Variants in TULP4 observed in about 807,000 individuals in gnomAD.
TULP4 encodes the protein tubby-related protein 4.
A neutral mutation model predicts 129.0 loss-of-function variants in TULP4; 16 were observed. The ratio of observed to expected loss-of-function variants is 0.12; its 90% CI spans 0.08 to 0.19. The LOEUF is 0.19. Among genes scored for constraint, TULP4 ranks in the 10% least tolerant of loss-of-function variants. The probability of loss-of-function intolerance (pLI) is 1.00; values close to 1 mark genes in which losing one functional copy is unlikely to be tolerated. For missense variants in TULP4, 1,842 were observed against 2,059.1 expected, an observed-to-expected ratio of 0.89 and a Z score of 2.04; for synonymous variants, 998 against 854.0, an observed-to-expected ratio of 1.17 and a Z score of -2.94.
At chr6:158,276,055 C>T (rs547392794) in intron 1 of TULP4, among the ~76,000 whole-genome samples, 106 of 152,068 alleles carry the variant, frequency 7.0e-4, no homozygotes, top group Non-Finnish European at 1.2e-3. Context: ...CTGCAACCTC[C>T]GCTGCAAGAG....
intron 1 of TULP4, among the ~76,000 whole-genome samples, chr6:158,396,013 G>C (rs1351742505): frequency 6.6e-6 from 1 of 152,140 alleles, no homozygotes; most frequent in African/African-American, 2.4e-5. Context: ...AGATTGCCTG[G>C]CTCCACCATT....
intron 1 of TULP4, among the ~76,000 whole-genome samples, chr6:158,363,786 C>CTA: frequency 2.0e-5 from 3 of 151,868 alleles, no homozygotes; most frequent in South Asian, 4.2e-4. Context: ...CGCAAGGCCG[C>CTA]GTGTTTTTTT....
At chr6:158,438,324 A>C (rs942973560) in intron 3 of TULP4, among the ~76,000 whole-genome samples, 2 of 151,908 alleles carry the variant, frequency 1.3e-5, no homozygotes, top group African/African-American at 4.8e-5. Flanking sequence ...TTCCTTCCAT[A>C]ACCACAGTGC....
intron 1 of TULP4, among the ~76,000 whole-genome samples, chr6:158,239,309 C>T (rs1583664230): frequency 1.9e-5 from 1 of 51,366 alleles, no homozygotes; most frequent in Non-Finnish European, 4.3e-5. Flanking sequence ...TAGGGGCGGC[C>T]GGGCAGAGGC....
chr6:158,445,667 A>G (rs1396577629), intron 3 of TULP4, among the ~76,000 whole-genome samples: 1 of 152,190 alleles, frequency 6.6e-6, no homozygotes, highest in East Asian at 1.9e-4. Flanking sequence ...ACCTGCCATG[A>G]ACCAGCTGAT....
chr6:158,473,560 T>C (rs914097502), intron 6 of TULP4, among the ~76,000 whole-genome samples: 1 of 152,210 alleles, frequency 6.6e-6, no homozygotes, highest in African/African-American at 2.4e-5. Context: ...CTCTCGTTGC[T>C]TAGGCTGGTG....
chr6:158,357,684 C>T (rs1342486205), intron 1 of TULP4, among the ~76,000 whole-genome samples: 2 of 152,170 alleles, frequency 1.3e-5, no homozygotes, highest in East Asian at 3.8e-4. Context: ...GAGGCCTGGC[C>T]TTCCCTGAGG....
chr6:158,232,301 G>A (rs1448747922), exon 1 of TULP4: 1 of 148,308 alleles, frequency 6.7e-6, no homozygotes, highest in Non-Finnish European at 1.5e-5. Context: ...CGGCCGCCCG[G>A]AGGTGAGCGG....
intron 1 of TULP4, among the ~76,000 whole-genome samples, chr6:158,320,386 G>A (rs1225075258): frequency 2.0e-5 from 3 of 151,474 alleles, no homozygotes; most frequent in South Asian, 2.1e-4. Context: ...TGTAGATGTC[G>A]TGCAAATTAA....
chr6:158,304,259 G>A (rs1779176013), intron 1 of TULP4, among the ~76,000 whole-genome samples: 1 of 152,106 alleles, frequency 6.6e-6, no homozygotes, highest in South Asian at 2.1e-4. Flanking sequence ...AAGCTAGAGT[G>A]GGAAGCATCT....
At chr6:158,271,058 G>A (rs1463253213) in intron 1 of TULP4, among the ~76,000 whole-genome samples, 3 of 151,666 alleles carry the variant, frequency 2.0e-5, no homozygotes, top group East Asian at 1.9e-4. Context: ...GCTGAGGCAG[G>A]AGAATGGCTT....
At position 158,380,272 on chromosome 6, in the gene TULP4, C is replaced by T. The variant is rs529540277; in HGVS notation, c.253-32793C>T. Among the ~76,000 whole-genome samples the T allele has an allele frequency of 4.6e-5, 7 of 152,290 alleles. No homozygotes were observed. The East Asian group carries it at 1.2e-3, about 25-fold the overall frequency. ...AAGGTTCAGCAAGAACTACGGACAG[C>T]CCCTTGCCGGCATCCAAACTGTACA... On this transcript the variant is annotated intron_variant, in intron 1 of 13. Transcript: ENST00000367097.
At chr6:158,295,249 A>G (rs827873) in intron 1 of TULP4, among the ~76,000 whole-genome samples, 20,255 of 152,098 alleles carry the variant, frequency 0.13, 1,712 homozygotes, top group African/African-American at 0.23. Context: ...ATTACTGTTA[A>G]TGTGCATTTT....
intron 1 of TULP4, among the ~76,000 whole-genome samples, chr6:158,381,946 G>A (rs1043001087): frequency 6.6e-6 from 1 of 152,008 alleles, no homozygotes. Context: ...TTTTTTCCAG[G>A]TATGTCTCTC....
intron 1 of TULP4, chr6:158,232,349 A>T (rs1053216361): frequency 1.3e-4 from 19 of 143,496 alleles, no homozygotes; most frequent in Admixed American, 4.1e-4. Context: ...GTCCCGCGGG[A>T]GGGGGCGCCG....
At position 158,313,658 on chromosome 6, in the gene TULP4, TGGAGTAAAAA is replaced by T. The variant is rs2128483060; in HGVS notation, c.-357_-348del. 2.3e-6 allele frequency: 1 copy of T among 441,024 alleles called. No homozygotes were observed. Among genetic ancestry groups the T allele is most frequent in the East Asian group, 3.4e-5 (1 of 29,784 alleles). 27.3% of individuals were successfully genotyped at this position (441,024 alleles called of 1,614,324 possible). ...CTCAGGCTGAATGAGAATAACCAAGTGGAGTAAAAAGAAGAAAACCGTTTCTTGATCACCA... is the reference window on the plus strand; with the variant it reads ...CTCAGGCTGAATGAGAATAACCAAGTGAAGAAAACCGTTTCTTGATCACCA... On this transcript the variant is annotated 5_prime_UTR_variant, in exon 1 of 14. It introduces an in-frame stop codon into an upstream open reading frame of the 5' UTR. Transcript: ENST00000367097.
chr6:158,240,612 C>G (rs1777868066), intron 1 of TULP4, among the ~76,000 whole-genome samples: 1 of 104,234 alleles, frequency 9.6e-6, no homozygotes, highest in Admixed American at 1.0e-4. Context: ...AGAGGCGCCC[C>G]TCACCTCCCA....
At chr6:158,382,873 T>C (rs139887215) in intron 1 of TULP4, among the ~76,000 whole-genome samples, 2 of 152,356 alleles carry the variant, frequency 1.3e-5, no homozygotes, top group African/African-American at 2.4e-5. Context: ...AGGGTTGACA[T>C]ATTAATTAGA....
intron 1 of TULP4, among the ~76,000 whole-genome samples, chr6:158,398,927 A>T (rs572587075): frequency 9.2e-5 from 14 of 152,202 alleles, no homozygotes; most frequent in African/African-American, 3.4e-4. Context: ...TTTCTCTTAG[A>T]GTTGTCAGAC....
Sources: gnomAD v4.1 joint callset for allele counts (sites outside exome capture counted in the v4.1 genomes callset) on GRCh38, gnomAD v4.1.1 for gene constraint, MANE v1.5 for transcripts, NCBI Gene and HGNC (gene_info 2026-07-23, HGNC 2026-07-21) for gene names.